The following ELAVL1 variants were observed in gnomAD, a reference collection of about 807,000 sequenced individuals.
The protein encoded by ELAVL1 is ELAV-like protein 1.
In ELAVL1, 1 loss-of-function variant was observed where a neutral mutation model predicts 28.4. That is an observed-to-expected ratio of 0.04 (90% CI 0.01 to 0.17). The LOEUF (loss-of-function observed/expected upper bound fraction) is 0.17. ELAVL1 is among the 10% of genes least tolerant of loss of function. The probability of loss-of-function intolerance (pLI) is 1.00; values close to 1 mark genes in which losing one functional copy is unlikely to be tolerated. For synonymous variants in ELAVL1, 174 were observed against 183.5 expected, an observed-to-expected ratio of 0.95 and a Z score of 0.42; for missense variants, 157 against 447.2, an observed-to-expected ratio of 0.35 and a Z score of 5.85.
Position 7,981,330 on chromosome 19 carries a change from C to T in ELAVL1, c.173-144G>A. On this transcript the variant is annotated intron_variant, in intron 2 of 5. Coordinates refer to ENST00000407627, the MANE Select transcript of ELAVL1 (RefSeq NM_001419.3). The surrounding 1 kb of genome is among the most constrained non-coding windows in gnomAD (Gnocchi z 4.2). ...CTTTATTTTCTTTGGCAAACACGTA[C>T]ATTTTCTGCAATGAACACAGGTTCC... The T allele has an allele frequency of 1.7e-6, 1 of 597,740 alleles. No homozygotes were observed. The highest frequency in any genetic ancestry group is 1.8e-5 in the South Asian group (1 of 54,416). The allele number at this position is 597,740 out of a possible 1,614,324, so 37.0% of individuals were successfully genotyped here.
intron 1 of ELAVL1, among the ~76,000 whole-genome samples, chr19:8,000,333 C>T (rs756486661): frequency 3.9e-5 from 6 of 152,152 alleles, no homozygotes; most frequent in Non-Finnish European, 7.3e-5. Flanking sequence ...TCACATCCGT[C>T]GATCATCTAG....
chr19:7,967,601 A>C lies in ELAVL1; in HGVS notation c.620T>G (p.Phe207Cys). The C allele has an allele frequency of 6.2e-7, 1 of 1,614,112 alleles. No homozygotes were observed. The highest frequency in any genetic ancestry group is 8.5e-7 in the Non-Finnish European group (1 of 1,179,982). The change falls in exon 5 of 6, where the codon TTC becomes TGC. Residue 207 changes from phenylalanine (F) to cysteine (C), a missense_variant. This residue lies in a region of ELAVL1 where 107 missense variants were observed against 310.4 expected (regional missense o/e 0.34). Coordinates refer to ENST00000407627, the MANE Select transcript of ELAVL1 (RefSeq NM_001419.3). Reference sequence around the variant, plus strand: ...CGCCTGGTGGTGAACGGGGCCTCCGAACCGTCGCGCTGGCGAGTGGTACAG... The same window carrying C: ...CGCCTGGTGGTGAACGGGGCCTCCGCACCGTCGCGCTGGCGAGTGGTACAG... ...SQLYHSPARR[F>C]GGPVHHQAQR...
intron 1 of ELAVL1, among the ~76,000 whole-genome samples, chr19:7,996,183 C>CTT (rs35350359): frequency 1.2e-4 from 17 of 141,136 alleles, no homozygotes; most frequent in Admixed American, 2.1e-4. Flanking sequence ...ACCCAGAACC[C>CTT]TTTTTTTTTT....
At chr19:8,000,956 T>A (rs2081065766) in intron 1 of ELAVL1, among the ~76,000 whole-genome samples, 1 of 152,160 alleles carries the variant, frequency 6.6e-6, no homozygotes, top group Non-Finnish European at 1.5e-5. Context: ...CACACAGAAG[T>A]GCAAAGCAAC....
rs887595794 is a variant in ELAVL1 at position 7,979,363 on chromosome 19, G to A, written c.276+1720C>T. ...CGTGAGGCTCTGGCTCCAAACTCAG[G>A]CAGCCACTCCAGCCTTTCCCACCAA... On this transcript the variant is annotated intron_variant, in intron 3 of 5. Transcript: ENST00000407627. The surrounding 1 kb of genome is among the most constrained non-coding windows in gnomAD (Gnocchi z 5.4). Among the ~76,000 whole-genome samples, 3 of 152,222 alleles carry A rather than the reference G, an allele frequency of 2.0e-5. No individual in the cohort carries two copies. The highest frequency in any genetic ancestry group is 2.9e-5 in the Non-Finnish European group (2 of 68,030).
intron 4 of ELAVL1, among the ~76,000 whole-genome samples, chr19:7,971,449 C>G (rs893149014): frequency 1.3e-5 from 2 of 152,242 alleles, no homozygotes; most frequent in Non-Finnish European, 2.9e-5. Flanking sequence ...GGGCCCTGCA[C>G]AGCCAGCTCA....
rs528612294 is a variant in ELAVL1 at position 7,982,739 on chromosome 19, C to T, written c.173-1553G>A. On this transcript the variant is annotated intron_variant, in intron 2 of 5. Coordinates refer to ENST00000407627, the MANE Select transcript of ELAVL1 (RefSeq NM_001419.3). The surrounding 1 kb of genome is among the most constrained non-coding windows in gnomAD (Gnocchi z 4.3). ...GTTCTTTCCTGCCCCAGGACCTCATCCAGGATCCCACGTGACATTTAGCAG... is the reference window on the plus strand; with the variant it reads ...GTTCTTTCCTGCCCCAGGACCTCATTCAGGATCCCACGTGACATTTAGCAG... 1.3e-5 allele frequency among the ~76,000 whole-genome samples: 2 copies of T among 152,352 alleles called. No homozygotes were observed. Among genetic ancestry groups the T allele is most frequent in the South Asian group, 2.1e-4 (1 of 4,826 alleles).
At chr19:8,000,058 T>A (rs1237844675) in intron 1 of ELAVL1, among the ~76,000 whole-genome samples, 1 of 152,172 alleles carries the variant, frequency 6.6e-6, no homozygotes, top group African/African-American at 2.4e-5. Flanking sequence ...ATTACAAGCA[T>A]GAGCCACCAC....
intron 2 of ELAVL1, among the ~76,000 whole-genome samples, chr19:7,988,862 G>A (rs539928646): frequency 4.6e-5 from 7 of 152,344 alleles, no homozygotes; most frequent in Non-Finnish European, 7.3e-5. Flanking sequence ...CCCAGGAAAA[G>A]TGGGCACTTG....
Position 7,969,446 on chromosome 19 carries a change from C to T in ELAVL1, c.431-1656G>A, listed in dbSNP as rs1241500818. ...CACAATCGCGACACTGCAGGCCCCC[C>T]GTGAGCACAGAGACAGCAGCTTTAG... On this transcript the variant is annotated intron_variant, in intron 4 of 5. Coordinates refer to ENST00000407627, the MANE Select transcript of ELAVL1 (RefSeq NM_001419.3). Among the ~76,000 whole-genome samples the T allele has an allele frequency of 2.0e-5, 3 of 152,114 alleles. No individual in the cohort carries two copies. In the East Asian group the frequency reaches 5.8e-4, roughly 29 times the overall value.
In ELAVL1 at chr19:7,981,355, C is replaced by CTT. The variant is rs145288081; in HGVS notation, c.173-171_173-170dup. The stretch of plus-strand genomic sequence containing the variant: ...CATTTTCTGCAATGAACACAGGTTC[C>CTT]TTTTTTTTTTTTTTTTTAAAGAGAT... On this transcript the variant is annotated intron_variant, in intron 2 of 5. Transcript: ENST00000407627. This position sits in a 1 kb window ranked among gnomAD's most constrained non-coding sequence, Gnocchi z 4.2. Among the ~76,000 whole-genome samples the CTT allele has an allele frequency of 5.7e-5, 8 of 140,704 alleles. No homozygotes were observed. Among genetic ancestry groups the CTT allele is most frequent in the South Asian group, 2.3e-4 (1 of 4,346 alleles). The allele number at this position is 140,704 out of a possible 152,430, so 92.3% of individuals were successfully genotyped here.
intron 4 of ELAVL1, among the ~76,000 whole-genome samples, chr19:7,971,216 C>T (rs1377705538): frequency 4.6e-5 from 7 of 152,206 alleles, no homozygotes; most frequent in Non-Finnish European, 1.0e-4. Flanking sequence ...GAGGTGAGTT[C>T]CCCCTGCCTG....
intron 1 of ELAVL1, among the ~76,000 whole-genome samples, chr19:8,001,507 T>C (rs2081067708): frequency 6.6e-6 from 1 of 152,200 alleles, no homozygotes; most frequent in Admixed American, 6.5e-5. Context: ...TTCCTCCTAG[T>C]CACTCCCCTT....
chr19:7,999,347 T>G (rs1436416033), intron 1 of ELAVL1, among the ~76,000 whole-genome samples: 1 of 152,124 alleles, frequency 6.6e-6, no homozygotes, highest in African/African-American at 2.4e-5. Flanking sequence ...CACTCCAGCC[T>G]GGGCAACAGA....
intron 5 of ELAVL1, among the ~76,000 whole-genome samples, chr19:7,965,574 C>T (rs764501415): frequency 6.6e-5 from 10 of 152,118 alleles, no homozygotes; most frequent in Non-Finnish European, 1.3e-4. Context: ...GCCTCCTGAG[C>T]GAATCTTTCC....
intron 1 of ELAVL1, among the ~76,000 whole-genome samples, 178 bp from the exon 2 acceptor site, chr19:7,992,009 C>T (rs774195201): frequency 4.0e-5 from 6 of 149,808 alleles, no homozygotes; most frequent in Non-Finnish European, 8.9e-5. Flanking sequence ...GGCACAATCT[C>T]GGCTTACTGC....
chr19:7,973,037 T>G lies in ELAVL1; in HGVS notation c.430+688A>C, dbSNP rs534059943. 3 of 151,342 alleles carry G rather than the reference T, an allele frequency of 2.0e-5. No homozygotes were observed. The East Asian group carries it at 5.9e-4, about 30-fold the overall frequency. 9.4% of individuals were successfully genotyped at this position (151,342 alleles called of 1,614,324 possible). ...CATGTTGGCCAGGCTGGTCTCAAAC[T>G]CCTGACCTCAGGTGATCCGTCCACC... On this transcript the variant is annotated intron_variant, in intron 4 of 5. Transcript: ENST00000407627.
chr19:7,964,016 G>C (rs890754148), intron 5 of ELAVL1, among the ~76,000 whole-genome samples: 1 of 152,214 alleles, frequency 6.6e-6, no homozygotes, highest in African/African-American at 2.4e-5. Flanking sequence ...TCTGTAGGGA[G>C]CTGACTCTGA....
rs1984790068 is a variant in ELAVL1, at chr19:7,961,003, G to C, written c.*2480C>G. The C allele has an allele frequency of 6.6e-6, 1 of 152,176 alleles. No individual in the cohort carries two copies. Among genetic ancestry groups the C allele is most frequent in the Non-Finnish European group, 1.5e-5 (1 of 68,032 alleles). The allele number at this position is 152,176 out of a possible 1,614,324, so 9.4% of individuals were successfully genotyped here. On this transcript the variant is annotated 3_prime_UTR_variant, in exon 6 of 6. Coordinates refer to ENST00000407627, the MANE Select transcript of ELAVL1 (RefSeq NM_001419.3). ...CTAAGACTCCCAAATAAAGGCTTTG[G>C]AATTTTTTAGCTAGAAGGCTGTTCA...
Sources: allele counts gnomAD v4.1 joint callset (sites outside exome capture counted in the v4.1 genomes callset), GRCh38; gene constraint gnomAD v4.1.1; regional missense constraint gnomAD v4.1.1; non-coding constraint Gnocchi (gnomAD v3.1); transcripts MANE v1.5; gene names NCBI Gene and HGNC (gene_info 2026-07-23, HGNC 2026-07-21).